LURAP1L: variants seen among roughly 807,000 people sequenced by gnomAD.
LURAP1L encodes the protein leucine rich adaptor protein 1-like.
A neutral mutation model predicts 13.8 loss-of-function variants in LURAP1L; 12 were observed. The ratio of observed to expected loss-of-function variants is 0.87; its 90% CI spans 0.56 to 1.41. LURAP1L has a LOEUF of 1.41. Ranked by LOEUF, LURAP1L falls within the 40% of genes most tolerant of loss-of-function variation. The pLI, the probability that LURAP1L is intolerant of heterozygous loss-of-function variation, is 0.00. For synonymous variants in LURAP1L, 139 were observed against 119.2 expected (o/e 1.17, Z -1.08); for missense variants, 375 against 292.9 (o/e 1.28, Z -2.04).
At chr9:12,777,315 C>T in intron 1 of LURAP1L, 2 of 985,338 alleles carry the variant, frequency 2.0e-6, no homozygotes, top group Non-Finnish European at 2.4e-6. Context: ...AGATGACAAA[C>T]CAACAGGTCA....
chr9:12,785,448 C>T (rs775865772), intron 1 of LURAP1L, among the ~76,000 whole-genome samples: 3 of 152,050 alleles, frequency 2.0e-5, no homozygotes, highest in Non-Finnish European at 4.4e-5. Flanking sequence ...GAACTTTCCT[C>T]CTTGAAAGGC....
chr9:12,806,079 G>C (rs1477383720), intron 1 of LURAP1L, among the ~76,000 whole-genome samples: 1 of 152,154 alleles, frequency 6.6e-6, no homozygotes, highest in Non-Finnish European at 1.5e-5. Flanking sequence ...AGCTCTAGCA[G>C]GTGAACACAC....
chr9:12,792,472 A>G (rs540441972), intron 1 of LURAP1L, among the ~76,000 whole-genome samples: 2 of 152,258 alleles, frequency 1.3e-5, no homozygotes, highest in African/African-American at 4.8e-5. Context: ...TACAATGATT[A>G]AATAATGAAT....
chr9:12,823,026 T>G lies in LURAP1L; in HGVS notation c.*1266T>G, dbSNP rs529413352. ...TTATTGTTTATTTCCAAGGCATGTA[T>G]TATTCAATTTCTAATTAAAATATAT... On this transcript the variant is annotated 3_prime_UTR_variant, in exon 2 of 2. Coordinates refer to ENST00000319264, the MANE Select transcript of LURAP1L (RefSeq NM_203403.2). Among the ~76,000 whole-genome samples, 5 of 152,340 alleles carry G rather than the reference T, an allele frequency of 3.3e-5. No homozygotes were observed. In the South Asian group the frequency reaches 8.3e-4, roughly 25 times the overall value.
At chr9:12,807,039 A>AAAAAAAAAAAG in intron 1 of LURAP1L, among the ~76,000 whole-genome samples, 1 of 130,244 alleles carries the variant, frequency 7.7e-6, no homozygotes, top group Non-Finnish European at 1.6e-5. Context: ...AAAAAAAAAA[A>AAAAAAAAAAAG]AAAAAATGAG....
intron 1 of LURAP1L, among the ~76,000 whole-genome samples, chr9:12,820,367 G>A (rs1242949162): frequency 1.3e-5 from 2 of 151,988 alleles, no homozygotes; most frequent in Admixed American, 1.3e-4. Flanking sequence ...GCCGGGCGTG[G>A]TGGCGGGGGC....
intron 1 of LURAP1L, chr9:12,777,132 A>G (rs1819198391): frequency 1.6e-6 from 1 of 639,636 alleles, no homozygotes; most frequent in Admixed American, 6.3e-5. Context: ...GAATGCTGGA[A>G]ATTATTTCTA....
At chr9:12,807,468 T>C (rs898190973) in intron 1 of LURAP1L, among the ~76,000 whole-genome samples, 1 of 152,196 alleles carries the variant, frequency 6.6e-6, no homozygotes, top group Admixed American at 6.5e-5. Context: ...AACTTCAGTC[T>C]GATTCTGGCT....
chr9:12,821,032 T>C (rs555182230), intron 1 of LURAP1L, among the ~76,000 whole-genome samples: 1 of 152,278 alleles, frequency 6.6e-6, no homozygotes, highest in East Asian at 1.9e-4. Context: ...GACCCACGTA[T>C]ATACGCCAAC....
chr9:12,814,732 A>G (rs1292837312), intron 1 of LURAP1L, among the ~76,000 whole-genome samples: 1 of 152,154 alleles, frequency 6.6e-6, no homozygotes, highest in African/African-American at 2.4e-5. Flanking sequence ...AACAACATCA[A>G]TCAGTCCACT....
chr9:12,811,042 A>C (rs193275707), intron 1 of LURAP1L, among the ~76,000 whole-genome samples: 12 of 152,342 alleles, frequency 7.9e-5, no homozygotes, highest in East Asian at 3.9e-4. Flanking sequence ...TATAAAAAAA[A>C]TGTTAACCTG....
At chr9:12,819,002 G>A (rs1819839285) in intron 1 of LURAP1L, among the ~76,000 whole-genome samples, 1 of 152,162 alleles carries the variant, frequency 6.6e-6, no homozygotes, top group Admixed American at 6.5e-5. Flanking sequence ...TATATTACTT[G>A]TAACTTGACC....
At chr9:12,817,974 G>A (rs550791153) in intron 1 of LURAP1L, among the ~76,000 whole-genome samples, 28 of 152,058 alleles carry the variant, frequency 1.8e-4, no homozygotes, top group Admixed American at 5.9e-4. Context: ...GCGCTCCCAC[G>A]GTGGGAAGCT....
chr9:12,809,040 T>A (rs1165888145), intron 1 of LURAP1L, among the ~76,000 whole-genome samples: 1 of 152,102 alleles, frequency 6.6e-6, no homozygotes, highest in Non-Finnish European at 1.5e-5. Flanking sequence ...AGCTAGCATA[T>A]CACATGCTGA....
intron 1 of LURAP1L, among the ~76,000 whole-genome samples, chr9:12,787,516 A>T (rs901150647): frequency 2.0e-5 from 3 of 152,140 alleles, no homozygotes; most frequent in Non-Finnish European, 4.4e-5. Flanking sequence ...CAAGAGCATC[A>T]TAGGACCATA....
Position 12,821,550 on chromosome 9 carries a change from C to T in LURAP1L, c.477C>T (p.Ser159=), listed in dbSNP as rs1223687097. Residue 159 remains serine (S), a synonymous_variant, in exon 2 of 2, where the codon TCC becomes TCT. Coordinates refer to ENST00000319264, the MANE Select transcript of LURAP1L (RefSeq NM_203403.2). ...GTTTGTTGGAGAGTCAGAGCACCTC[C>T]TTACGTGGCAGCTACAACAGCCTAC... ...LCSLLESQST[S]LRGSYNSLHD... The T allele has an allele frequency of 4.3e-6, 7 of 1,614,020 alleles. No individual in the cohort carries two copies. In the South Asian group the frequency reaches 4.4e-5, roughly 10 times the overall value.
chr9:12,797,890 TTTTG>T (rs946923640), intron 1 of LURAP1L, among the ~76,000 whole-genome samples: 70 of 152,226 alleles, frequency 4.6e-4, no homozygotes, highest in African/African-American at 2.4e-4. Context: ...CATAAATTCA[TTTTG>T]TTTGTTTTCT....
chr9:12,785,201 G>C (rs550981694), intron 1 of LURAP1L, among the ~76,000 whole-genome samples: 2 of 152,158 alleles, frequency 1.3e-5, no homozygotes, highest in East Asian at 3.9e-4. Flanking sequence ...GACTCTGCTT[G>C]GTGTTTTATT....
chr9:12,810,748 T>G (rs1483285432), intron 1 of LURAP1L, among the ~76,000 whole-genome samples: 1 of 152,168 alleles, frequency 6.6e-6, no homozygotes, highest in African/African-American at 2.4e-5. Context: ...TCAGTGAATG[T>G]TGGAATATGT....
Sources: allele counts gnomAD v4.1 joint callset (sites outside exome capture counted in the v4.1 genomes callset), GRCh38; gene constraint gnomAD v4.1.1; transcripts MANE v1.5; gene names NCBI Gene and HGNC (gene_info 2026-07-23, HGNC 2026-07-21).